Variants in ELAPOR2 observed in about 807,000 individuals in gnomAD.
The protein encoded by ELAPOR2 is endosome-lysosome associated apoptosis and autophagy regulator family member 2.
ELAPOR2 carries 89 observed loss-of-function variants against 120.7 expected under a neutral mutation model. The observed-to-expected ratio is 0.74, with a 90% confidence interval of 0.62 to 0.88. ELAPOR2 has a LOEUF of 0.88. Among genes scored for constraint, ELAPOR2 ranks in the 40% least tolerant of loss-of-function variants. ELAPOR2 has a pLI of 0.00. For missense variants in ELAPOR2, 1,134 were observed against 1,251.6 expected (o/e 0.91, Z 1.42); for synonymous variants, 444 against 444.9 (o/e 1.00, Z 0.03).
chr7:86,950,218 A>C (rs993784334), intron 2 of ELAPOR2, among the ~76,000 whole-genome samples: 3 of 152,102 alleles, frequency 2.0e-5, no homozygotes. Flanking sequence ...TAGCTCAATA[A>C]AGCTCCTCTT....
At chr7:86,977,284 A>C (rs146979860) in intron 1 of ELAPOR2, among the ~76,000 whole-genome samples, 1 of 152,322 alleles carries the variant, frequency 6.6e-6, no homozygotes, top group African/African-American at 2.4e-5. Flanking sequence ...CTGGGATTAG[A>C]ATCTAAGTGC....
At chr7:87,008,755 A>G (rs1181113063) in intron 1 of ELAPOR2, among the ~76,000 whole-genome samples, 2 of 152,182 alleles carry the variant, frequency 1.3e-5, no homozygotes, top group Non-Finnish European at 2.9e-5. Context: ...AGTTTCTCTC[A>G]AATAGTTCAA....
intron 1 of ELAPOR2, among the ~76,000 whole-genome samples, chr7:87,041,158 G>A (rs567907248): frequency 1.3e-5 from 2 of 152,178 alleles, no homozygotes; most frequent in East Asian, 1.9e-4. Flanking sequence ...GAAAGGGATG[G>A]GCAGAATGGA....
intron 1 of ELAPOR2, among the ~76,000 whole-genome samples, chr7:87,015,241 C>T (rs1793830117): frequency 1.3e-5 from 2 of 152,086 alleles, no homozygotes; most frequent in South Asian, 4.2e-4. Flanking sequence ...TCAATATTCT[C>T]TATCAAAATA....
chr7:86,922,640 G>A (rs550436487), intron 10 of ELAPOR2, among the ~76,000 whole-genome samples: 74 of 151,858 alleles, frequency 4.9e-4, no homozygotes, highest in African/African-American at 1.8e-3. Context: ...GTTAATGACT[G>A]AAATAATATT....
chr7:87,028,576 C>A (rs995199117), intron 1 of ELAPOR2, among the ~76,000 whole-genome samples: 5 of 152,156 alleles, frequency 3.3e-5, no homozygotes, highest in Non-Finnish European at 7.4e-5. Flanking sequence ...TTTCTTCTCA[C>A]CATTCCACAC....
intron 18 of ELAPOR2, among the ~76,000 whole-genome samples, chr7:86,902,498 C>T (rs1186522501): frequency 6.6e-6 from 1 of 152,124 alleles, no homozygotes. Context: ...TATAAGGACA[C>T]TAATCTCATT....
At chr7:86,948,281 C>A (rs1160030948) in intron 2 of ELAPOR2, among the ~76,000 whole-genome samples, 1 of 152,194 alleles carries the variant, frequency 6.6e-6, no homozygotes, top group African/African-American at 2.4e-5. Flanking sequence ...CATAACAGAT[C>A]CCTTCCCCTG....
At chr7:86,992,554 C>T (rs1030772959) in intron 1 of ELAPOR2, among the ~76,000 whole-genome samples, 2 of 152,142 alleles carry the variant, frequency 1.3e-5, no homozygotes, top group Admixed American at 6.5e-5. Context: ...AATCTTCAGT[C>T]GAGATCAAAT....
chr7:86,990,197 C>G (rs1562958448), intron 1 of ELAPOR2, among the ~76,000 whole-genome samples: 1 of 152,134 alleles, frequency 6.6e-6, no homozygotes, highest in South Asian at 2.1e-4. Context: ...CAGGCACCTG[C>G]CACCACGCCC....
chr7:87,052,171 C>T (rs1795121331), intron 1 of ELAPOR2, among the ~76,000 whole-genome samples: 2 of 152,166 alleles, frequency 1.3e-5, no homozygotes, highest in South Asian at 4.1e-4. Flanking sequence ...CATTTTCACA[C>T]TGCTGATAAA....
chr7:86,896,107 T>C (rs1434616118), intron 19 of ELAPOR2, among the ~76,000 whole-genome samples: 2 of 152,140 alleles, frequency 1.3e-5, no homozygotes, highest in Non-Finnish European at 2.9e-5. Context: ...TTTGACAAAT[T>C]AAATAACACA....
At chr7:86,939,870 T>C in intron 6 of ELAPOR2, 140 bp downstream of exon 6, 2 of 426,546 alleles carry the variant, frequency 4.7e-6, no homozygotes, top group East Asian at 3.5e-5. Context: ...AAAACCAGGG[T>C]CTCCAGACCT....
intron 8 of ELAPOR2, among the ~76,000 whole-genome samples, chr7:86,928,416 G>A (rs2116248619): frequency 6.6e-6 from 1 of 152,096 alleles, no homozygotes; most frequent in Admixed American, 6.6e-5. Context: ...TCCCTAATTT[G>A]CTGATTTATT....
chr7:86,939,314 T>C (rs568460028), intron 6 of ELAPOR2, among the ~76,000 whole-genome samples: 3 of 152,204 alleles, frequency 2.0e-5, no homozygotes, highest in South Asian at 4.1e-4. Flanking sequence ...CCCTTTTTTT[T>C]CCACTGCTTA....
chr7:86,895,553 C>A (rs1788398537), intron 19 of ELAPOR2, among the ~76,000 whole-genome samples: 1 of 151,898 alleles, frequency 6.6e-6, no homozygotes, highest in Non-Finnish European at 1.5e-5. Context: ...TCAAAGTGAT[C>A]CAAAAAGTAT....
In ELAPOR2 at chr7:86,914,828, T is replaced by C; in HGVS notation, c.1626A>G (p.Glu542=). ...GTTTTTCTTTGGTTCCACCCCACGA[T>C]TCTACCACATTTGTACTTTTTCTAT... ...DINRKSTNVV[E]SWGGTKEKQA... Residue 542 remains glutamate (E), a synonymous_variant, in exon 13 of 22, where the codon GAA becomes GAG. Transcript: ENST00000450689. 1.2e-6 allele frequency: 2 copies of C among 1,611,408 alleles called. No individual in the cohort carries two copies.
At chr7:86,986,162 C>CCACTGT (rs1478029480) in intron 1 of ELAPOR2, among the ~76,000 whole-genome samples, 1 of 125,434 alleles carries the variant, frequency 8.0e-6, no homozygotes, top group African/African-American at 3.5e-5. Context: ...TTAGAAAACC[C>CCACTGT]CTCACGCCTG....
Position 86,892,929 on chromosome 7 carries a change from T to A in ELAPOR2, c.2857A>T (p.Asn953Tyr). The part of the protein sequence containing the change: ...VALTCYFWKK[N>Y]QKLEYKYSKL... The stretch of plus-strand genomic sequence containing the variant: ...ATCTCAGAGGGTACTTACTTTTGAT[T>A]CTTTTTCCAGAAGTAGCAGGTCAGA... Residue 953 changes from asparagine (N) to tyrosine (Y), a missense_variant, in exon 20 of 22, where the codon AAT becomes TAT. Physicochemically the swap from Asn to Tyr is moderately radical, Grantham distance 143. Around this residue, in one of 3 missense-constraint regions of ELAPOR2, gnomAD observed 831 missense variants for 867.6 expected, o/e 0.96. Coordinates refer to ENST00000450689, the MANE Select transcript of ELAPOR2 (RefSeq NM_001142749.3). The A allele has an allele frequency of 6.5e-7, 1 of 1,539,998 alleles. No individual in the cohort carries two copies. Among genetic ancestry groups the A allele is most frequent in the Non-Finnish European group, 8.7e-7 (1 of 1,154,788 alleles).
Sources: allele counts gnomAD v4.1 joint callset (sites outside exome capture counted in the v4.1 genomes callset), GRCh38; gene constraint gnomAD v4.1.1; regional missense constraint gnomAD v4.1.1; transcripts MANE v1.5; gene names NCBI Gene and HGNC (gene_info 2026-07-23, HGNC 2026-07-21).